The following AVEN variants were observed in gnomAD, a reference collection of about 807,000 sequenced individuals.
The protein encoded by AVEN is cell death regulator Aven.
AVEN carries 41 observed loss-of-function variants against 38.1 expected under a neutral mutation model. The ratio of observed to expected loss-of-function variants is 1.08; its 90% confidence interval spans 0.84 to 1.40. The LOEUF (loss-of-function observed/expected upper bound fraction) is 1.40, where lower values mean the gene tolerates loss of function less well. Among genes scored for constraint, AVEN ranks in the 40% most tolerant of loss-of-function variants. AVEN has a pLI of 0.00. For synonymous variants in AVEN, 206 were observed against 171.8 expected (o/e 1.20, Z -1.56); for missense variants, 605 against 438.8 (o/e 1.38, Z -3.38).
At chr15:34,012,115 C>T (rs555828015) in intron 1 of AVEN, among the ~76,000 whole-genome samples, 2 of 152,202 alleles carry the variant, frequency 1.3e-5, no homozygotes, top group Non-Finnish European at 2.9e-5. Context: ...AGCCATTTTG[C>T]AAGTCCCAAC....
At chr15:33,954,611 T>G (rs1039898033) in intron 2 of AVEN, among the ~76,000 whole-genome samples, 1 of 140,758 alleles carries the variant, frequency 7.1e-6, no homozygotes, top group Admixed American at 7.3e-5. Context: ...ATGAGAACAC[T>G]TGGACACAGG....
chr15:34,014,406 A>AGGATTCT (rs1451547229), intron 1 of AVEN, among the ~76,000 whole-genome samples: 20 of 146,184 alleles, frequency 1.4e-4, no homozygotes, highest in African/African-American at 5.2e-4. Context: ...ACCACGTTTG[A>AGGATTCT]GGATTCTGGG....
At chr15:33,918,417 A>T (rs1276994343) in intron 2 of AVEN, among the ~76,000 whole-genome samples, 1 of 150,920 alleles carries the variant, frequency 6.6e-6, no homozygotes, top group Non-Finnish European at 1.5e-5. Context: ...AGCATTTCAT[A>T]AAATGTGATG....
At chr15:33,853,453 G>A in the AVEN span, 2 of 1,411,196 alleles carry the variant, frequency 1.4e-6, no homozygotes, top group South Asian at 3.3e-5. Context: ...TCTACCCCTT[G>A]GAAGATTGCC....
At chr15:34,061,620 T>C (rs1290607756) in intron 5 of AVEN, among the ~76,000 whole-genome samples, 1 of 152,226 alleles carries the variant, frequency 6.6e-6, no homozygotes, top group Non-Finnish European at 1.5e-5. Context: ...AGACTTTTGC[T>C]TTCTAAGATT....
At chr15:34,015,558 G>A (rs542518783) in intron 1 of AVEN, among the ~76,000 whole-genome samples, 100 of 152,214 alleles carry the variant, frequency 6.6e-4, no homozygotes, top group African/African-American at 2.3e-3. Flanking sequence ...ACTGTTTTAG[G>A]ATAATTTGGG....
intron 2 of AVEN, among the ~76,000 whole-genome samples, chr15:33,959,409 T>G (rs1179689089): frequency 7.2e-5 from 11 of 152,152 alleles, no homozygotes; most frequent in Admixed American, 7.2e-4. Context: ...AAGTTCAGAT[T>G]CCTCAGCAGG....
chr15:33,997,500 A>G (rs1422888471), intron 2 of AVEN, among the ~76,000 whole-genome samples: 2 of 152,154 alleles, frequency 1.3e-5, no homozygotes, highest in African/African-American at 2.4e-5. Flanking sequence ...GTATTTTTAT[A>G]TAAGACTATA....
chr15:33,943,823 TAAA>T (rs71119905), intron 2 of AVEN, among the ~76,000 whole-genome samples: 1,088 of 88,876 alleles, frequency 0.012, 14 homozygotes, highest in Non-Finnish European at 0.018. Context: ...ACTCCGTCTT[TAAA>T]AAAAAAAAAA....
At chr15:33,949,084 C>T (rs375576762) in intron 2 of AVEN, among the ~76,000 whole-genome samples, 9 of 152,174 alleles carry the variant, frequency 5.9e-5, no homozygotes, top group African/African-American at 7.2e-5. Context: ...AGTGCAATGG[C>T]GTGATCTTGC....
At chr15:33,981,434 T>C (rs1427149986) in intron 2 of AVEN, among the ~76,000 whole-genome samples, 1 of 53,054 alleles carries the variant, frequency 1.9e-5, no homozygotes. Flanking sequence ...GGCACCAAAC[T>C]AAACATAACC....
downstream of AVEN, among the ~76,000 whole-genome samples, chr15:33,863,211 G>C (rs1220824458): frequency 6.6e-6 from 1 of 152,236 alleles, no homozygotes; most frequent in Non-Finnish European, 1.5e-5. Flanking sequence ...CACCTAAAAT[G>C]GTGCTTTGTT....
At chr15:34,024,190 A>G (rs1488769491) in intron 1 of AVEN, among the ~76,000 whole-genome samples, 1 of 152,208 alleles carries the variant, frequency 6.6e-6, no homozygotes, top group Non-Finnish European at 1.5e-5. Context: ...GACCAATTCC[A>G]TGCACCCATG....
At chr15:33,862,641 G>GTCTC (rs965224886), downstream of AVEN, among the ~76,000 whole-genome samples, 1 of 152,056 alleles carries the variant, frequency 6.6e-6, no homozygotes, top group Non-Finnish European at 1.5e-5. Context: ...TATTGAGACA[G>GTCTC]TCTCTGTCAC....
intron 2 of AVEN, among the ~76,000 whole-genome samples, chr15:34,002,424 A>G (rs1897172152): frequency 6.6e-6 from 1 of 151,806 alleles, no homozygotes; most frequent in South Asian, 2.1e-4. Flanking sequence ...CCATCTGTAC[A>G]CCCAGCACTC....
At chr15:33,879,175 G>A (rs112209220) in intron 2 of AVEN, among the ~76,000 whole-genome samples, 5,124 of 151,634 alleles carry the variant, frequency 0.034, 142 homozygotes, top group Non-Finnish European at 0.052. Flanking sequence ...ATGATAGACC[G>A]GATTAAGAAA....
chr15:34,000,089 C>A (rs1430503417), intron 2 of AVEN, among the ~76,000 whole-genome samples: 1 of 152,196 alleles, frequency 6.6e-6, no homozygotes, highest in Non-Finnish European at 1.5e-5. Context: ...ACACTTTTCC[C>A]ATAGATATCC....
intron 2 of AVEN, among the ~76,000 whole-genome samples, chr15:34,068,961 G>T (rs1314100510): frequency 6.6e-6 from 1 of 151,848 alleles, no homozygotes; most frequent in South Asian, 2.1e-4. Flanking sequence ...ACAGGCGCCT[G>T]CCACCACGCC....
At chr15:33,921,043 T>C (rs1893377064) in intron 2 of AVEN, among the ~76,000 whole-genome samples, 1 of 152,342 alleles carries the variant, frequency 6.6e-6, no homozygotes, top group South Asian at 2.1e-4. Context: ...CCCAAAGTGC[T>C]GGGATTACTG....
Sources: allele counts gnomAD v4.1 joint callset (sites outside exome capture counted in the v4.1 genomes callset), GRCh38; gene constraint gnomAD v4.1.1; transcripts MANE v1.5; gene names NCBI Gene and HGNC (gene_info 2026-07-23, HGNC 2026-07-21).